Variants in KIF27 observed in about 807,000 individuals in gnomAD.
KIF27 encodes kinesin-like protein KIF27.
A neutral mutation model predicts 141.8 loss-of-function variants in KIF27; 84 were observed. The ratio of observed to expected loss-of-function variants is 0.59; its 90% CI spans 0.50 to 0.71. The LOEUF (loss-of-function observed/expected upper bound fraction) is 0.71. Ranked by LOEUF, KIF27 falls within the 30% of genes least tolerant of loss-of-function variation. The pLI, the probability that KIF27 is intolerant of heterozygous loss-of-function variation, is 0.00. For missense variants in KIF27, 1,306 were observed against 1,628.4 expected (o/e 0.80, Z 3.41); for synonymous variants, 471 against 569.5 (o/e 0.83, Z 2.46).
intron 3 of KIF27, among the ~76,000 whole-genome samples, chr9:83,905,412 C>A (rs1954415670): frequency 1.3e-5 from 2 of 152,172 alleles, no homozygotes; most frequent in Non-Finnish European, 2.9e-5. Flanking sequence ...GCCACCGCAC[C>A]CGGCCTATAT....
chr9:83,879,303 A>G (rs1414244357), intron 11 of KIF27, among the ~76,000 whole-genome samples: 2 of 151,898 alleles, frequency 1.3e-5, no homozygotes, highest in South Asian at 4.1e-4. Flanking sequence ...GTTCCCTTCC[A>G]TTGCTGAATT....
chr9:83,836,737 G>GA lies in KIF27; in HGVS notation c.*263dup. ...TAGTTTTAATCTTCAAATATGCCTG[G>GA]AAAAACATTTAAGCGTATTTATAAA... On this transcript the variant is annotated 3_prime_UTR_variant, in exon 18 of 18. Transcript: ENST00000297814. 1 of 373,384 alleles carries GA rather than the reference G, an allele frequency of 2.7e-6. No individual in the cohort carries two copies. The highest frequency in any genetic ancestry group is 4.6e-6 in the Non-Finnish European group (1 of 218,412). 23.1% of individuals were successfully genotyped at this position (373,384 alleles called of 1,614,324 possible).
At chr9:83,911,090 A>G (rs1280090341) in intron 2 of KIF27, among the ~76,000 whole-genome samples, 1 of 152,188 alleles carries the variant, frequency 6.6e-6, no homozygotes, top group African/African-American at 2.4e-5. Context: ...TTTTTGAGAC[A>G]GGGTCTCACT....
intron 2 of KIF27, among the ~76,000 whole-genome samples, chr9:83,911,389 CAT>C (rs1392131820): frequency 1.3e-5 from 2 of 151,914 alleles, no homozygotes; most frequent in Non-Finnish European, 2.9e-5. Flanking sequence ...CACCACCACA[CAT>C]GGCTAATTTT....
intron 13 of KIF27, 25 bp from the exon 14 acceptor site, chr9:83,859,396 C>T: frequency 1.3e-6 from 2 of 1,539,086 alleles, no homozygotes; most frequent in Non-Finnish European, 9.0e-7. Flanking sequence ...CCACCAGCCA[C>T]CTCAAAAACA....
intron 13 of KIF27, among the ~76,000 whole-genome samples, chr9:83,860,797 T>A (rs1466460129): frequency 6.6e-6 from 1 of 152,156 alleles, no homozygotes; most frequent in African/African-American, 2.4e-5. Context: ...ATTTTCAGAA[T>A]CCTGAGTCTT....
rs7030435 is a variant in KIF27, at chr9:83,844,740, G to C, written c.3557-2339C>G. Among the ~76,000 whole-genome samples the C allele has an allele frequency of 2.6e-5, 4 of 152,286 alleles. No individual in the cohort carries two copies. The South Asian group carries it at 6.2e-4, about 24-fold the overall frequency. On this transcript the variant is annotated intron_variant, in intron 16 of 17. Transcript: ENST00000297814. ...GTTGCTCCTAAGTTCAGTGGACAAA[G>C]TGATGAAAGAAAATGATGAACTCTT...
rs183697978 is a variant in KIF27 at position 83,836,727 on chromosome 9, A to G, written c.*274T>C. The stretch of plus-strand genomic sequence containing the variant: ...AGTCTATTACTAGTTTTAATCTTCA[A>G]ATATGCCTGGAAAAACATTTAAGCG... On this transcript the variant is annotated 3_prime_UTR_variant, in exon 18 of 18. Transcript: ENST00000297814. The G allele has an allele frequency of 6.5e-5, 22 of 340,738 alleles. No homozygotes were observed. Among genetic ancestry groups the G allele is most frequent in the African/African-American group, 3.7e-4 (17 of 46,522 alleles). The allele number at this position is 340,738 out of a possible 1,614,324, so 21.1% of individuals were successfully genotyped here. A position where few individuals can be genotyped will look rare whatever the true frequency, so the allele number is the denominator to read the frequency against.
At chr9:83,906,891 A>G (rs924885567) in intron 3 of KIF27, among the ~76,000 whole-genome samples, 3 of 152,154 alleles carry the variant, frequency 2.0e-5, no homozygotes, top group Non-Finnish European at 2.9e-5. Context: ...ATGAAGAGTC[A>G]TAAGTATGAA....
At chr9:83,866,778 A>G (rs1277416760) in intron 13 of KIF27, among the ~76,000 whole-genome samples, 2 of 152,094 alleles carry the variant, frequency 1.3e-5, no homozygotes, top group Non-Finnish European at 2.9e-5. Flanking sequence ...CGGGAGACTG[A>G]TACAGGAGAA....
intron 6 of KIF27, among the ~76,000 whole-genome samples, chr9:83,889,910 C>CA (rs909936471): frequency 2.6e-4 from 39 of 150,544 alleles, no homozygotes; most frequent in South Asian, 8.4e-4. Context: ...TTTAAATTCT[C>CA]AAAAAAAAAT....
chr9:83,906,267 AACCAT>A (rs1161802666), intron 3 of KIF27, among the ~76,000 whole-genome samples: 1 of 152,200 alleles, frequency 6.6e-6, no homozygotes, highest in Non-Finnish European at 1.5e-5. Context: ...CAATTTCCTC[AACCAT>A]GCAGGAATGC....
chr9:83,896,632 T>C (rs944019457), intron 5 of KIF27, among the ~76,000 whole-genome samples: 18 of 152,334 alleles, frequency 1.2e-4, no homozygotes, highest in Admixed American at 4.6e-4. Context: ...AATCAAAATA[T>C]GTTCATTAAT....
intron 7 of KIF27, 63 bp downstream of exon 7, chr9:83,889,021 C>T (rs1952404416): frequency 6.6e-7 from 1 of 1,520,258 alleles, no homozygotes; most frequent in Non-Finnish European, 8.8e-7. Context: ...AAAACCTACA[C>T]TTCTATATTT....
In KIF27 at chr9:83,836,370, C is replaced by T. The variant is rs1945838542; in HGVS notation, c.*631G>A. On this transcript the variant is annotated 3_prime_UTR_variant, in exon 18 of 18. Transcript: ENST00000297814. ...AGGAAAGACATGAAAACTTATATTG[C>T]ATAATATTAGCAAACATAAAAGATA... Among the ~76,000 whole-genome samples, 1 of 151,962 alleles carries T rather than the reference C, an allele frequency of 6.6e-6. No individual in the cohort carries two copies. Among genetic ancestry groups the T allele is most frequent in the Admixed American group, 6.6e-5 (1 of 15,240 alleles).
At chr9:83,848,161 T>TGA (rs1947746174) in intron 16 of KIF27, among the ~76,000 whole-genome samples, 1 of 41,996 alleles carries the variant, frequency 2.4e-5, no homozygotes, top group Non-Finnish European at 3.9e-5. Flanking sequence ...ATATCATATA[T>TGA]GATATATCTG....
At chr9:83,888,793 C>A (rs1176237313) in intron 7 of KIF27, among the ~76,000 whole-genome samples, 2 of 124,764 alleles carry the variant, frequency 1.6e-5, no homozygotes, top group African/African-American at 3.1e-5. Context: ...TTGTTGCCAA[C>A]GTGGCAGCAG....
intron 5 of KIF27, chr9:83,898,637 T>A (rs1953515320): frequency 6.6e-6 from 1 of 152,196 alleles, no homozygotes; most frequent in Non-Finnish European, 1.5e-5. Flanking sequence ...GTATATACTT[T>A]AGTTTTATGT....
intron 9 of KIF27, among the ~76,000 whole-genome samples, chr9:83,885,045 A>C (rs1394732886): frequency 6.6e-6 from 1 of 152,198 alleles, no homozygotes; most frequent in Non-Finnish European, 1.5e-5. Flanking sequence ...GGCAGTAGAA[A>C]ACAGGAGTCT....
Sources: gnomAD v4.1 joint callset for allele counts (sites outside exome capture counted in the v4.1 genomes callset) on GRCh38, gnomAD v4.1.1 for gene constraint, MANE v1.5 for transcripts, NCBI Gene and HGNC (gene_info 2026-07-23, HGNC 2026-07-21) for gene names.